TRPM3: variants seen among roughly 807,000 people sequenced by gnomAD.
The protein encoded by TRPM3 is transient receptor potential cation channel subfamily M member 3.
A neutral mutation model predicts 181.2 loss-of-function variants in TRPM3; 77 were observed. The ratio of observed to expected loss-of-function variants is 0.42; its 90% CI spans 0.35 to 0.51. The LOEUF (loss-of-function observed/expected upper bound fraction) is 0.51. Among genes scored for constraint, TRPM3 ranks in the 20% least tolerant of loss-of-function variants. TRPM3 has a pLI of 0.01. For synonymous variants in TRPM3, 745 were observed against 796.4 expected, an observed-to-expected ratio of 0.94 and a Z score of 1.09; for missense variants, 1,759 against 2,196.7, an observed-to-expected ratio of 0.80 and a Z score of 3.98.
At chr9:70,876,785 A>C (rs1217353285) in intron 1 of TRPM3, among the ~76,000 whole-genome samples, 1 of 151,944 alleles carries the variant, frequency 6.6e-6, no homozygotes, top group Non-Finnish European at 1.5e-5. Context: ...TGTTCCCCAC[A>C]ACCCATTCTT....
intron 6 of TRPM3, among the ~76,000 whole-genome samples, chr9:70,821,874 C>T (rs1314989515): frequency 6.6e-6 from 1 of 152,184 alleles, no homozygotes; most frequent in East Asian, 1.9e-4. Flanking sequence ...TGTAACTGAA[C>T]ATGGCTGGAA....
intron 24 of TRPM3, among the ~76,000 whole-genome samples, chr9:70,551,746 G>A (rs887755276): frequency 2.6e-5 from 4 of 152,124 alleles, no homozygotes; most frequent in African/African-American, 9.7e-5. Flanking sequence ...CCCTGATTTT[G>A]TATCCCATGC....
intron 25 of TRPM3, among the ~76,000 whole-genome samples, chr9:70,543,522 T>C (rs1257003681): frequency 6.6e-6 from 1 of 152,158 alleles, no homozygotes; most frequent in African/African-American, 2.4e-5. Flanking sequence ...CTGGTAACCA[T>C]CCTTCTACTC....
At chr9:71,215,939 C>G (rs533049883) in intron 1 of TRPM3, among the ~76,000 whole-genome samples, 1 of 152,268 alleles carries the variant, frequency 6.6e-6, no homozygotes. Flanking sequence ...GGTCGGCTCA[C>G]AGCATGGGAG....
intron 1 of TRPM3, among the ~76,000 whole-genome samples, chr9:71,244,881 T>C (rs889314978): frequency 1.3e-5 from 2 of 152,162 alleles, no homozygotes; most frequent in Admixed American, 6.5e-5. Flanking sequence ...GTACAGAGAA[T>C]GACTGGTTAA....
At chr9:70,829,692 G>C (rs1223348463) in intron 5 of TRPM3, among the ~76,000 whole-genome samples, 1 of 152,108 alleles carries the variant, frequency 6.6e-6, no homozygotes, top group Non-Finnish European at 1.5e-5. Flanking sequence ...GATAAAAGAA[G>C]TCTATAACTT....
At chr9:71,113,009 T>C (rs1345023610) in intron 1 of TRPM3, among the ~76,000 whole-genome samples, 2 of 152,134 alleles carry the variant, frequency 1.3e-5, no homozygotes, top group African/African-American at 4.8e-5. Context: ...GGCAGCAAAG[T>C]AGGCAGAGGC....
chr9:71,247,262 G>A lies in TRPM3; in HGVS notation c.183+199391C>T, dbSNP rs182228233. On this transcript the variant is annotated intron_variant, in intron 1 of 24. Coordinates refer to the TRPM3 transcript ENST00000357533. ...CCAGTTACTCAGGAGATTGAGGCAG[G>A]AGAATCGCTTGAACCTGGGAGGTGG... 8.2e-3 allele frequency among the ~76,000 whole-genome samples: 1,213 copies of A among 148,286 alleles called. 7 individuals are homozygous for A. The highest frequency in any genetic ancestry group is 0.041 in the South Asian group (194 of 4,738).
At chr9:71,133,612 T>C (rs550622206) in intron 1 of TRPM3, among the ~76,000 whole-genome samples, 2 of 152,282 alleles carry the variant, frequency 1.3e-5, no homozygotes, top group African/African-American at 4.8e-5. Flanking sequence ...CTTCTTTTAT[T>C]AGAGTTTTAA....
intron 1 of TRPM3, among the ~76,000 whole-genome samples, chr9:70,918,327 TCTC>T (rs1159406184): frequency 6.6e-6 from 1 of 152,148 alleles, no homozygotes; most frequent in Non-Finnish European, 1.5e-5. Context: ...TACACATTCT[TCTC>T]CTCAACACAT....
intron 1 of TRPM3, among the ~76,000 whole-genome samples, chr9:71,142,159 G>A (rs2075142322): frequency 6.6e-6 from 1 of 152,112 alleles, no homozygotes; most frequent in Non-Finnish European, 1.5e-5. Context: ...TCCCTTGTTT[G>A]TAACACTAGA....
chr9:70,759,445 A>G (rs528527185), intron 8 of TRPM3, among the ~76,000 whole-genome samples: 5 of 152,354 alleles, frequency 3.3e-5, no homozygotes, highest in South Asian at 2.1e-4. Context: ...AGGATCTAGA[A>G]CCAGAAATAC....
intron 15 of TRPM3, among the ~76,000 whole-genome samples, chr9:70,620,877 T>A (rs2133205870): frequency 6.6e-6 from 1 of 152,006 alleles, no homozygotes; most frequent in East Asian, 1.9e-4. Context: ...GAATAGATTT[T>A]GATTACTAGA....
intron 1 of TRPM3, among the ~76,000 whole-genome samples, chr9:71,196,479 C>T (rs2078372537): frequency 2.6e-5 from 4 of 151,754 alleles, no homozygotes; most frequent in South Asian, 4.1e-4. Context: ...TGCATATCTA[C>T]CTTAACATCA....
At chr9:71,258,776 T>C (rs17056622) in intron 1 of TRPM3, among the ~76,000 whole-genome samples, 36,668 of 152,048 alleles carry the variant, frequency 0.24, 5,137 homozygotes, top group African/African-American at 0.37. Context: ...AAAGGGGTAA[T>C]AGAATTTTCC....
chr9:70,917,711 A>G (rs2096615166), intron 1 of TRPM3, among the ~76,000 whole-genome samples: 1 of 151,948 alleles, frequency 6.6e-6, no homozygotes, highest in African/African-American at 2.4e-5. Flanking sequence ...TAAGAGGAAA[A>G]CAGGAATGAA....
intron 6 of TRPM3, among the ~76,000 whole-genome samples, chr9:70,790,755 G>A (rs1274226151): frequency 6.6e-6 from 1 of 152,148 alleles, no homozygotes; most frequent in Admixed American, 6.6e-5. Context: ...CTGATAATCG[G>A]TTGTGCCTGA....
intron 1 of TRPM3, among the ~76,000 whole-genome samples, chr9:71,154,459 G>A (rs1565282898): frequency 6.6e-6 from 1 of 152,032 alleles, no homozygotes. Flanking sequence ...ACACTTAAGG[G>A]TTCCCTGAAC....
intron 1 of TRPM3, among the ~76,000 whole-genome samples, chr9:71,337,109 T>C (rs2090612830): frequency 6.6e-6 from 1 of 152,130 alleles, no homozygotes; most frequent in African/African-American, 2.4e-5. Flanking sequence ...AAATGGGGTC[T>C]AATTAAACTA....
Sources: allele counts gnomAD v4.1 joint callset (sites outside exome capture counted in the v4.1 genomes callset), GRCh38; gene constraint gnomAD v4.1.1; transcripts MANE v1.5; gene names NCBI Gene and HGNC (gene_info 2026-07-23, HGNC 2026-07-21).